NFATC4: variants seen among roughly 807,000 people sequenced by gnomAD.
NFATC4 encodes nuclear factor of activated T-cells, cytoplasmic 4.
A neutral mutation model predicts 73.4 loss-of-function variants in NFATC4; 25 were observed. That is an observed-to-expected ratio of 0.34 (90% CI 0.25 to 0.48). The LOEUF is 0.48. Among genes scored for constraint, NFATC4 ranks in the 20% least tolerant of loss-of-function variants. The pLI is 0.99. For missense variants in NFATC4, 1,130 were observed against 1,203.7 expected (o/e 0.94, Z 0.91); for synonymous variants, 523 against 510.3 (o/e 1.02, Z -0.34).
chr14:24,373,687 G>C lies in NFATC4; in HGVS notation c.1560-8G>C, dbSNP rs754704463. The stretch of plus-strand genomic sequence containing the variant: ...TAGGAGGGCTTGCCATCCATCCTTT[G>C]CCTCCAGCATTGACTGCGCGGGAAT... On this transcript the variant is annotated splice_polypyrimidine_tract_variant and splice_region_variant and intron_variant, in intron 4 of 9. Coordinates refer to ENST00000250373, the MANE Select transcript of NFATC4 (RefSeq NM_004554.5). This position sits in a 1 kb window ranked among gnomAD's most constrained non-coding sequence, Gnocchi z 4.7. 6.3e-7 allele frequency: 1 copy of C among 1,597,018 alleles called. No homozygotes were observed. The highest frequency in any genetic ancestry group is 8.6e-7 in the Non-Finnish European group (1 of 1,169,422).
rs751403911 is a variant in NFATC4, at chr14:24,376,672, G to A, written c.2435G>A (p.Arg812Gln). Residue 812 changes from arginine (R) to glutamine (Q), a missense_variant, in exon 9 of 10, where the codon CGG (arginine) becomes CAG (glutamine). Coordinates refer to ENST00000250373, the MANE Select transcript of NFATC4 (RefSeq NM_004554.5). This position sits in a 1 kb window ranked among gnomAD's most constrained non-coding sequence, Gnocchi z 5.0. The stretch of plus-strand genomic sequence containing the variant: ...CCATTCTCTCCGCCAGCCCCCTTTC[G>A]GCCGCCTCCTCTTCCTGCATCCCCA... Reference protein sequence around the residue: ...GLPFSPPAPFRPPPLPASPPL... With the variant: ...GLPFSPPAPFQPPPLPASPPL... The A allele has an allele frequency of 1.3e-5, 21 of 1,613,188 alleles. No individual in the cohort carries two copies. Among genetic ancestry groups the A allele is most frequent in the Admixed American group, 5.0e-5 (3 of 59,922 alleles).
intron 1 of NFATC4, 123 bp downstream of exon 1, chr14:24,368,563 T>G: frequency 1.9e-4 from 125 of 671,260 alleles, no homozygotes; most frequent in Non-Finnish European, 2.1e-4. Flanking sequence ...TCGAAGGGAG[T>G]CGGGGGGACT....
rs1293727470 is a variant in NFATC4, at chr14:24,379,143, T to C, written c.*1438T>C. ...GGGTGTGACAGAGGCTGGCTCTGGA[T>C]TGGGGGACAACAGAACCAGAGTAAC... is the stretch of plus-strand genomic sequence containing the variant. On this transcript the variant is annotated 3_prime_UTR_variant, in exon 10 of 10. Coordinates refer to ENST00000250373, the MANE Select transcript of NFATC4 (RefSeq NM_004554.5). 6.6e-6 allele frequency: 1 copy of C among 152,300 alleles called. No individual in the cohort carries two copies. Among genetic ancestry groups the C allele is most frequent in the Non-Finnish European group, 1.5e-5 (1 of 68,190 alleles). The allele number at this position is 152,300 out of a possible 1,614,324, so 9.4% of individuals were successfully genotyped here.
chr14:24,374,493 C>A (rs12890614), intron 6 of NFATC4, 27 bp downstream of exon 6: 1 of 1,590,080 alleles, frequency 6.3e-7, no homozygotes, highest in Non-Finnish European at 8.6e-7. Flanking sequence ...GAGGGGAGGG[C>A]AGGCAGGGAG....
rs761735455 is a variant in NFATC4, at chr14:24,376,091, G to T, written c.2046G>T (p.Arg682Ser). The change falls in exon 8 of 10, where the codon AGG becomes AGT. Residue 682 changes from arginine (R) to serine (S), a missense_variant. Around this residue, in one of 3 missense-constraint regions of NFATC4, gnomAD observed 390 missense variants for 408.1 expected, o/e 0.96. Coordinates refer to ENST00000250373, the MANE Select transcript of NFATC4 (RefSeq NM_004554.5). This position sits in a 1 kb window ranked among gnomAD's most constrained non-coding sequence, Gnocchi z 5.0. ...RRKRSPTQSFRFLPVICKEEP... is the reference protein window; with the variant it reads ...RRKRSPTQSFSFLPVICKEEP... ...AACGCAGTCCTACCCAGAGTTTCAGGTTTCTGCCTGGTGCGCTCTGGGACA... is the reference window on the plus strand; with the variant it reads ...AACGCAGTCCTACCCAGAGTTTCAGTTTTCTGCCTGGTGCGCTCTGGGACA... 5.0e-6 allele frequency: 8 copies of T among 1,614,016 alleles called. No homozygotes were observed. In the Admixed American group the frequency reaches 1.2e-4, roughly 24 times the overall value.
upstream of NFATC4, chr14:24,367,993 T>G (rs1269344738): frequency 5.5e-6 from 3 of 545,102 alleles, no homozygotes; most frequent in East Asian, 1.0e-4. Context: ...TCCAATTCAG[T>G]TTTTTTTTTT....
rs1326532485 is a variant in NFATC4 at position 24,376,822 on chromosome 14, G to C, written c.2585G>C (p.Gly862Ala). 4 of 1,603,550 alleles carry C rather than the reference G, an allele frequency of 2.5e-6. No homozygotes were observed. Among genetic ancestry groups the C allele is most frequent in the Non-Finnish European group, 2.6e-6 (3 of 1,175,732 alleles). ...GAPEQEKSRG[G>A]YSSGFRDSVP... ...CCGGAGCAGGAGAAATCCAGGGGTG[G>C]CTACAGCAGCGGCTTCCGAGACAGT... Residue 862 changes from glycine (G) to alanine (A), a missense_variant, in exon 9 of 10, where the codon GGC becomes GCC. Coordinates refer to ENST00000250373, the MANE Select transcript of NFATC4 (RefSeq NM_004554.5). The surrounding 1 kb of genome is among the most constrained non-coding windows in gnomAD (Gnocchi z 5.0).
chr14:24,367,413 A>G, upstream of NFATC4: 1 of 1,535,632 alleles, frequency 6.5e-7, no homozygotes, highest in Non-Finnish European at 8.7e-7. Flanking sequence ...CGTGGAGGCT[A>G]ATTCACGGCC....
At chr14:24,374,028 A>G (rs1240651200) in intron 5 of NFATC4, 161 bp downstream of exon 5, 1 of 1,111,804 alleles carries the variant, frequency 9.0e-7, no homozygotes, top group African/African-American at 1.5e-5. Context: ...TGCCCCTGCC[A>G]CAGACTCTGT....
upstream of NFATC4, chr14:24,367,271 G>A: frequency 1.3e-6 from 2 of 1,594,482 alleles, no homozygotes; most frequent in Non-Finnish European, 1.7e-6. Context: ...AAGAGGAGGG[G>A]AACCCACAGG....
At chr14:24,372,154 C>A (rs975370542) in intron 2 of NFATC4, 5 of 382,380 alleles carry the variant, frequency 1.3e-5, no homozygotes, top group African/African-American at 2.1e-5. Context: ...GCGCTCAGAG[C>A]TGGGAAGAAG....
At position 24,368,416 on chromosome 14, in the gene NFATC4, CTGG is replaced by C. The variant is rs1013060884; in HGVS notation, c.77_79del (p.Leu26_Gly27delinsArg). The C allele has an allele frequency of 2.2e-6, 3 of 1,342,948 alleles. No individual in the cohort carries two copies. The highest frequency in any genetic ancestry group is 3.1e-5 in the African/African-American group (2 of 65,262). 83.2% of individuals were successfully genotyped at this position (1,342,948 alleles called of 1,614,324 possible). A position where few individuals can be genotyped will look rare whatever the true frequency, so the allele number is the denominator to read the frequency against. ...CGGGGAGGAAAAGGAGGCCCCCCCG[CTGG>C]GCGCGGGGGGATTGGGGGAAGGTTA... is the stretch of plus-strand genomic sequence containing the variant. On this transcript the variant is annotated inframe_deletion, in exon 1 of 10. Transcript: ENST00000250373.
At position 24,378,789 on chromosome 14, in the gene NFATC4, C is replaced by G. The variant is rs1001255384; in HGVS notation, c.*1084C>G. 1 of 152,414 alleles carries G rather than the reference C, an allele frequency of 6.6e-6. No individual in the cohort carries two copies. Among genetic ancestry groups the G allele is most frequent in the Non-Finnish European group, 1.5e-5 (1 of 68,176 alleles). 9.4% of individuals were successfully genotyped at this position (152,414 alleles called of 1,614,324 possible). ...GGCCTATCCTGCAAATATGCCCATGCTGGCCTTCTAAATAGCTGGTACATC... is the reference window on the plus strand; with the variant it reads ...GGCCTATCCTGCAAATATGCCCATGGTGGCCTTCTAAATAGCTGGTACATC... On this transcript the variant is annotated 3_prime_UTR_variant, in exon 10 of 10. Transcript: ENST00000250373.
At chr14:24,372,312 A>T (rs1040963549) in intron 2 of NFATC4, 129 bp from the exon 3 acceptor site, 6 of 955,562 alleles carry the variant, frequency 6.3e-6, no homozygotes, top group Non-Finnish European at 9.2e-6. Flanking sequence ...ACAAGTGTTA[A>T]TGTACTTCTT....
chr14:24,369,716 G>A lies in NFATC4; in HGVS notation c.318G>A (p.Gly106=). 2 of 1,610,720 alleles carry A rather than the reference G, an allele frequency of 1.2e-6. No individual in the cohort carries two copies. The highest frequency in any genetic ancestry group is 1.3e-5 in the African/African-American group (1 of 74,970). The change falls in exon 2 of 10, where the codon GGG becomes GGA. Residue 106 remains glycine, a synonymous_variant. Transcript: ENST00000250373. ...CAGGAGGGGGTGCTGGGGGTGCTGGGGGTGGCCGTGTTCTCGAGTGTCCCA... is the reference window on the plus strand; with the variant it reads ...CAGGAGGGGGTGCTGGGGGTGCTGGAGGTGGCCGTGTTCTCGAGTGTCCCA... ...GGPGGGAGGA[G]GGRVLECPSI... is the part of the protein sequence containing the mutation.
At chr14:24,374,063 T>C in intron 5 of NFATC4, 196 bp downstream of exon 5, 1 of 925,506 alleles carries the variant, frequency 1.1e-6, no homozygotes, top group Non-Finnish European at 1.7e-6. Flanking sequence ...AGAGTGACAC[T>C]GGACCCTATC....
rs983982617 is a variant in NFATC4 at position 24,373,024 on chromosome 14, C to A, written c.1360-147C>A. On this transcript the variant is annotated intron_variant, in intron 3 of 9. Transcript: ENST00000250373. This position sits in a 1 kb window ranked among gnomAD's most constrained non-coding sequence, Gnocchi z 4.7. ...ACTCCAGGCCATGTTTTCTCCACAACGGGTGCCCAGTTCCCCAAGGGATTC... is the reference window on the plus strand; with the variant it reads ...ACTCCAGGCCATGTTTTCTCCACAAAGGGTGCCCAGTTCCCCAAGGGATTC... 2.5e-6 allele frequency: 2 copies of A among 789,816 alleles called. No individual in the cohort carries two copies. Among genetic ancestry groups the A allele is most frequent in the Non-Finnish European group, 4.0e-6 (2 of 506,194 alleles). The allele number at this position is 789,816 out of a possible 1,614,324, so 48.9% of individuals were successfully genotyped here. A position where few individuals can be genotyped will look rare whatever the true frequency, so the allele number is the denominator to read the frequency against.
Position 24,369,874 on chromosome 14 carries a change from G to T in NFATC4, c.476G>T (p.Gly159Val). The T allele has an allele frequency of 6.2e-7, 1 of 1,610,570 alleles. No homozygotes were observed. Among genetic ancestry groups the T allele is most frequent in the Non-Finnish European group, 8.5e-7 (1 of 1,178,856 alleles). ...GGCTTTGGGGGCTACAGAGAAGCAG[G>T]GGGCCAGGGTGGGGGGGCCTTCTTC... ...PEGFGGYREAGGQGGGAFFSP... is the reference protein window; with the variant it reads ...PEGFGGYREAVGQGGGAFFSP... The change falls in exon 2 of 10, where the codon GGG becomes GTG. Residue 159 changes from glycine to valine, a missense_variant. By Grantham distance (109) the Gly-to-Val change is moderately radical (BLOSUM62 -3). This residue lies in a region of NFATC4 where 585 missense variants were observed against 574.3 expected (regional missense o/e 1.02). Transcript: ENST00000250373.
chr14:24,376,328 T>C lies in NFATC4; in HGVS notation c.2091T>C (p.Ser697=), dbSNP rs1343726370. ...ICKEEPLPDS[S]LRGFPSASAT... ...AAGAGGAGCCCCTACCGGACTCATC[T>C]CTGCGGGGTTTCCCTTCAGCATCGG... The change falls in exon 9 of 10, where the codon TCT becomes TCC. Residue 697 remains serine (S), a synonymous_variant. Coordinates refer to ENST00000250373, the MANE Select transcript of NFATC4 (RefSeq NM_004554.5). The surrounding 1 kb of genome is among the most constrained non-coding windows in gnomAD (Gnocchi z 5.0). 2.5e-6 allele frequency: 4 copies of C among 1,596,200 alleles called. No individual in the cohort carries two copies. Among genetic ancestry groups the C allele is most frequent in the Non-Finnish European group, 3.4e-6 (4 of 1,171,276 alleles).
Sources: allele counts gnomAD v4.1 joint callset, GRCh38; gene constraint gnomAD v4.1.1; regional missense constraint gnomAD v4.1.1; non-coding constraint Gnocchi (gnomAD v3.1); transcripts MANE v1.5; gene names NCBI Gene and HGNC (gene_info 2026-07-23, HGNC 2026-07-21).